The following DDB2 variants were observed in gnomAD, a reference collection of about 807,000 sequenced individuals.
DDB2 encodes the protein damage specific DNA binding protein 2.
Under a neutral mutation model 50.5 loss-of-function variants are expected in DDB2, and 27 were observed. That is an observed-to-expected ratio of 0.53 (90% CI 0.39 to 0.74). DDB2 has a LOEUF of 0.74. DDB2 is among the 30% of genes least tolerant of loss of function. The pLI is 0.00. For missense variants in DDB2, 424 were observed against 545.6 expected (o/e 0.78, Z 2.22); for synonymous variants, 176 against 205.5 (o/e 0.86, Z 1.23).
rs1225434874 is a variant in DDB2, at chr11:47,215,135, C to T, written c.-2C>T. The T allele has an allele frequency of 6.2e-7, 1 of 1,613,944 alleles. No individual in the cohort carries two copies. Among genetic ancestry groups the T allele is most frequent in the Non-Finnish European group, 8.5e-7 (1 of 1,180,020 alleles). On this transcript the variant is annotated 5_prime_UTR_variant, in exon 1 of 10. Transcript: ENST00000256996. ...ACAGTACCCCTTCACACGGAGGACG[C>T]GATGGCTCCCAAGAAACGCCCAGAA...
intron 3 of DDB2, among the ~76,000 whole-genome samples, chr11:47,218,266 C>A (rs377708556): frequency 6.6e-6 from 1 of 152,224 alleles, no homozygotes; most frequent in African/African-American, 2.4e-5. Flanking sequence ...CCTTTCCTTT[C>A]TGGTTCACCA....
At chr11:47,215,353 C>G (rs560831081) in intron 1 of DDB2, 90 bp downstream of exon 1, 5 of 1,599,922 alleles carry the variant, frequency 3.1e-6, no homozygotes, top group Admixed American at 1.7e-5. Context: ...CCGAGGCTCC[C>G]GAGGCCCGCG....
chr11:47,226,734 CTT>C (rs542832519), intron 3 of DDB2, among the ~76,000 whole-genome samples: 16,154 of 116,446 alleles, frequency 0.14, 561 homozygotes, highest in East Asian at 0.39. Flanking sequence ...AGTCCTTTGC[CTT>C]TTTTTTTTTT....
chr11:47,214,569 AAGC>A, upstream of DDB2: 1 of 158,774 alleles, frequency 6.3e-6, no homozygotes, highest in East Asian at 1.9e-4. Context: ...CCGGACAACA[AAGC>A]GAGACCCCGT....
At chr11:47,231,587 G>C (rs1216293862) in intron 3 of DDB2, among the ~76,000 whole-genome samples, 1 of 151,968 alleles carries the variant, frequency 6.6e-6, no homozygotes, top group African/African-American at 2.4e-5. Flanking sequence ...GCAGTGATTC[G>C]ATCGCAACTC....
chr11:47,219,143 C>T (rs1590989967), intron 3 of DDB2, among the ~76,000 whole-genome samples: 1 of 152,170 alleles, frequency 6.6e-6, no homozygotes, highest in East Asian at 1.9e-4. Flanking sequence ...TGGGGTTTCA[C>T]CGTGTTAGCC....
At chr11:47,215,691 G>A (rs1265861634) in intron 1 of DDB2, 1 of 290,264 alleles carries the variant, frequency 3.4e-6, no homozygotes, top group East Asian at 9.1e-5. Flanking sequence ...CTTGAACCTG[G>A]GGCTATAAGG....
chr11:47,227,387 G>T (rs565401298), intron 3 of DDB2, among the ~76,000 whole-genome samples: 1 of 152,080 alleles, frequency 6.6e-6, no homozygotes, highest in South Asian at 2.1e-4. Context: ...GATTATAGGT[G>T]TGAGACACTG....
Position 47,232,842 on chromosome 11 carries a change from T to A in DDB2, c.485T>A (p.Leu162Gln). The A allele has an allele frequency of 5.6e-6, 9 of 1,614,064 alleles. No individual in the cohort carries two copies. The highest frequency in any genetic ancestry group is 7.6e-6 in the Non-Finnish European group (9 of 1,180,026). ...GGAGCTGGAGGGAGCATCACTGGGCTGAAGTTTAACCCTCTCAATACCAAC... is the reference window on the plus strand; with the variant it reads ...GGAGCTGGAGGGAGCATCACTGGGCAGAAGTTTAACCCTCTCAATACCAAC... ...GIGAGGSITG[L>Q]KFNPLNTNQF... Residue 162 changes from leucine (L) to glutamine (Q), a missense_variant, in exon 4 of 10, where the codon CTG becomes CAG. Leu to Gln is a moderately radical substitution (Grantham distance 113, BLOSUM62 -2). Transcript: ENST00000256996.
intron 7 of DDB2, 115 bp from the exon 8 acceptor site, chr11:47,237,722 A>C: frequency 1.8e-6 from 2 of 1,094,554 alleles, no homozygotes; most frequent in East Asian, 2.4e-5. Flanking sequence ...GGTGTGAGCC[A>C]CTGCACTCAG....
chr11:47,238,813 C>T lies in DDB2; in HGVS notation c.1248C>T (p.Leu416=), dbSNP rs765513314. The change falls in exon 10 of 10, where the codon CTC becomes CTT. Residue 416 remains leucine (L), a synonymous_variant. Coordinates refer to ENST00000256996, the MANE Select transcript of DDB2 (RefSeq NM_000107.3). The part of the protein sequence containing the change: ...TLASAMGYHI[L]IWSQEEARTR... ...CACTCTTCCTAGGTTACCACATTCT[C>T]ATCTGGAGCCAGGAGGAAGCCAGGA... 1.2e-6 allele frequency: 2 copies of T among 1,613,764 alleles called. No individual in the cohort carries two copies. Among genetic ancestry groups the T allele is most frequent in the Non-Finnish European group, 1.7e-6 (2 of 1,179,942 alleles).
rs1953696845 is a variant in DDB2 at position 47,234,643 on chromosome 11, G to A, written c.673G>A (p.Val225Met). The change falls in exon 5 of 10, where the codon GTG becomes ATG. Residue 225 changes from valine (V) to methionine (M), a missense_variant. Coordinates refer to ENST00000256996, the MANE Select transcript of DDB2 (RefSeq NM_000107.3). Reference protein sequence around the residue: ...MVVTGDNVGNVILLNMDGKEL... With the variant: ...MVVTGDNVGNMILLNMDGKEL... ...GGTCACAGGAGACAACGTGGGGAACGTGATCCTGCTGAACATGGACGGCAA... is the reference window on the plus strand; with the variant it reads ...GGTCACAGGAGACAACGTGGGGAACATGATCCTGCTGAACATGGACGGCAA... The A allele has an allele frequency of 1.2e-6, 2 of 1,614,146 alleles. No individual in the cohort carries two copies. Among genetic ancestry groups the A allele is most frequent in the Non-Finnish European group, 1.7e-6 (2 of 1,180,018 alleles).
In DDB2 at chr11:47,237,932, C is replaced by T. The variant is rs1422372482; in HGVS notation, c.1119C>T (p.Asp373=). The T allele has an allele frequency of 2.5e-6, 4 of 1,614,106 alleles. No homozygotes were observed. Among genetic ancestry groups the T allele is most frequent in the African/African-American group, 1.3e-5 (1 of 75,010 alleles). Residue 373 remains aspartate (D), a synonymous_variant, in exon 8 of 10, where the codon GAC becomes GAT. Transcript: ENST00000256996. ...CCCCTTATGAATTGAGGACGATCGACGTGTTCGATGGAAACTCAGGGAAGA... is the reference window on the plus strand; with the variant it reads ...CCCCTTATGAATTGAGGACGATCGATGTGTTCGATGGAAACTCAGGGAAGA... ...SCTPYELRTI[D]VFDGNSGKMM... is the part of the protein sequence containing the mutation.
chr11:47,234,664 G>C lies in DDB2; in HGVS notation c.694G>C (p.Gly232Arg), dbSNP rs774675310. The C allele has an allele frequency of 1.2e-6, 2 of 1,613,902 alleles. No homozygotes were observed. The highest frequency in any genetic ancestry group is 1.7e-5 in the Admixed American group (1 of 59,968). Residue 232 changes from glycine to arginine, a missense_variant, in exon 5 of 10, where the codon GGC becomes CGC. By Grantham distance (125) the Gly-to-Arg change is moderately radical (BLOSUM62 -2). Transcript: ENST00000256996. ...GAACGTGATCCTGCTGAACATGGAC[G>C]GCAAAGAGGTGCGTTCTCCGAGGTC... ...VGNVILLNMD[G>R]KELWNLRMHK...
chr11:47,221,806 C>T (rs1953488686), intron 3 of DDB2: 1 of 152,206 alleles, frequency 6.6e-6, no homozygotes, highest in Non-Finnish European at 1.5e-5. Context: ...GTCTCGAACT[C>T]CTGACCTCAA....
intron 4 of DDB2, 100 bp downstream of exon 4, chr11:47,233,059 A>G: frequency 7.5e-7 from 1 of 1,335,500 alleles, no homozygotes; most frequent in Non-Finnish European, 1.1e-6. Context: ...TGGCCCAGGG[A>G]AGAAAGGAAA....
At chr11:47,235,074 G>A in intron 6 of DDB2, 140 bp downstream of exon 6, 1 of 1,271,858 alleles carries the variant, frequency 7.9e-7, no homozygotes, top group Non-Finnish European at 1.1e-6. Flanking sequence ...GAACCTTTGT[G>A]GCTGTGGCTG....
chr11:47,234,902 A>C lies in DDB2; in HGVS notation c.848A>C (p.Tyr283Ser), dbSNP rs1467471369. The change falls in exon 6 of 10, where the codon TAC (tyrosine) becomes TCC (serine). Residue 283 changes from tyrosine to serine, a missense_variant. Coordinates refer to ENST00000256996, the MANE Select transcript of DDB2 (RefSeq NM_000107.3). Reference protein sequence around the residue: ...RQVRGKASFLYSLPHRHPVNA... With the variant: ...RQVRGKASFLSSLPHRHPVNA... ...GTTAGAGGGAAAGCCAGCTTCCTCT[A>C]CTCGCTGCCGCACAGGCATCCTGTC... The C allele has an allele frequency of 6.2e-7, 1 of 1,614,110 alleles. No individual in the cohort carries two copies. Among genetic ancestry groups the C allele is most frequent in the Admixed American group, 1.7e-5 (1 of 60,018 alleles).
Position 47,235,290 on chromosome 11 carries a change from G to A in DDB2, c.901G>A (p.Ala301Thr), listed in dbSNP as rs1953709546. Residue 301 changes from alanine to threonine, a missense_variant, in exon 7 of 10, where the codon GCC becomes ACC. Physicochemically the swap from Ala to Thr is moderately conservative, Grantham distance 58. Transcript: ENST00000256996. ...VNAACFSPDG[A>T]RLLTTDQKSE... ...GCCAGCTTGTTTCAGTCCCGATGGA[G>A]CCCGGCTCCTGACCACGGACCAGAA... 1 of 1,614,108 alleles carries A rather than the reference G, an allele frequency of 6.2e-7. No homozygotes were observed.
Sources: allele counts gnomAD v4.1 joint callset (sites outside exome capture counted in the v4.1 genomes callset), GRCh38; gene constraint gnomAD v4.1.1; transcripts MANE v1.5; gene names NCBI Gene and HGNC (gene_info 2026-07-23, HGNC 2026-07-21).